Variants in CLECL1 observed in about 807,000 individuals in gnomAD.
The protein encoded by CLECL1 is C-type lectin-like domain family 1.
At chr12:9,705,392 A>T in the CLECL1 span, among the ~76,000 whole-genome samples, 1 of 152,194 alleles carries the variant, frequency 6.6e-6, no homozygotes, top group South Asian at 2.1e-4. Flanking sequence ...GCTGTGCAGA[A>T]GATCTTTAGT....
At chr12:9,720,935 A>G (rs1866302761), downstream of CLECL1, among the ~76,000 whole-genome samples, 1 of 152,212 alleles carries the variant, frequency 6.6e-6, no homozygotes, top group Non-Finnish European at 1.5e-5. Context: ...TCTCTCTCGC[A>G]TGTGCCTGTC....
chr12:9,721,489 G>A (rs1866312319), downstream of CLECL1, among the ~76,000 whole-genome samples: 1 of 152,132 alleles, frequency 6.6e-6, no homozygotes, highest in Non-Finnish European at 1.5e-5. Flanking sequence ...GCTTAAACTG[G>A]AGGAAGTAAG....
At chr12:9,722,778 G>A in exon 4 of CLECL1, 1 of 1,613,440 alleles carries the variant, frequency 6.2e-7, no homozygotes, top group Non-Finnish European at 8.5e-7. Context: ...TCTTTGGCAG[G>A]ACATGATTTA....
downstream of CLECL1, among the ~76,000 whole-genome samples, chr12:9,719,415 A>G (rs989755866): frequency 6.6e-6 from 1 of 152,202 alleles, no homozygotes; most frequent in Non-Finnish European, 1.5e-5. Flanking sequence ...AGTCCCAGCT[A>G]CTGGGGAGGC....
At chr12:9,715,570 G>T (rs1866229306), downstream of CLECL1, among the ~76,000 whole-genome samples, 1 of 152,148 alleles carries the variant, frequency 6.6e-6, no homozygotes, top group African/African-American at 2.4e-5. Flanking sequence ...TCAGTGACCT[G>T]ATGTATGCAC....
At chr12:9,732,129 T>C (rs1471882667) in intron 1 of CLECL1, among the ~76,000 whole-genome samples, 3 of 152,176 alleles carry the variant, frequency 2.0e-5, no homozygotes, top group African/African-American at 7.2e-5. Flanking sequence ...TTGATAACTA[T>C]AAACTTTTGA....
the CLECL1 span, among the ~76,000 whole-genome samples, chr12:9,705,257 C>CTT: frequency 2.1e-5 from 3 of 145,726 alleles, no homozygotes; most frequent in Non-Finnish European, 1.5e-5. Context: ...TTAATGAGGT[C>CTT]TTTTTTTTTT....
At chr12:9,719,527 A>C (rs1011312428), downstream of CLECL1, among the ~76,000 whole-genome samples, 2 of 152,118 alleles carry the variant, frequency 1.3e-5, no homozygotes, top group African/African-American at 2.4e-5. Flanking sequence ...CTTTGTCTCA[A>C]AAACAAAAAC....
chr12:9,718,933 TTTA>T (rs1371208940), downstream of CLECL1, among the ~76,000 whole-genome samples: 2 of 152,222 alleles, frequency 1.3e-5, no homozygotes, highest in Admixed American at 1.3e-4. Flanking sequence ...ATACAACTCC[TTTA>T]TTATTATGGA....
chr12:9,714,451 G>C (rs752454308), downstream of CLECL1, among the ~76,000 whole-genome samples: 14 of 152,252 alleles, frequency 9.2e-5, no homozygotes, highest in Admixed American at 2.0e-4. Flanking sequence ...CCCAGTGGGG[G>C]CCATCCAGTC....
At chr12:9,712,759 G>GT (rs1158887311), downstream of CLECL1, among the ~76,000 whole-genome samples, 1 of 151,994 alleles carries the variant, frequency 6.6e-6, no homozygotes, top group Non-Finnish European at 1.5e-5. Context: ...AATCATAAAT[G>GT]TTTGCTGAAT....
intron 1 of CLECL1, among the ~76,000 whole-genome samples, chr12:9,730,232 T>C (rs990880502): frequency 1.3e-5 from 2 of 152,226 alleles, no homozygotes; most frequent in African/African-American, 4.8e-5. Context: ...ACTACCAGAC[T>C]AGTGCTGCCT....
upstream of CLECL1, chr12:9,733,246 G>A (rs753065500): frequency 9.9e-6 from 16 of 1,608,042 alleles, no homozygotes; most frequent in Non-Finnish European, 1.2e-5. Flanking sequence ...TGTATGACAT[G>A]GAAGAAATTA....
chr12:9,711,279 A>C (rs776620366), downstream of CLECL1, among the ~76,000 whole-genome samples: 3 of 152,324 alleles, frequency 2.0e-5, no homozygotes, highest in East Asian at 5.8e-4. Flanking sequence ...CAGAACTGTT[A>C]AGAGAAACAA....
At chr12:9,718,986 G>T (rs950534915), downstream of CLECL1, among the ~76,000 whole-genome samples, 2 of 151,142 alleles carry the variant, frequency 1.3e-5, no homozygotes, top group African/African-American at 2.5e-5. Flanking sequence ...GGGTTTTTTT[G>T]TGTGTGTCTT....
chr12:9,734,332 A>G (rs1214676896), upstream of CLECL1, among the ~76,000 whole-genome samples: 1 of 152,220 alleles, frequency 6.6e-6, no homozygotes, highest in Non-Finnish European at 1.5e-5. Context: ...TTAAGACTGC[A>G]TGACACTCTC....
At chr12:9,723,363 G>T (rs1866337530) in intron 3 of CLECL1, among the ~76,000 whole-genome samples, 3 of 152,114 alleles carry the variant, frequency 2.0e-5, no homozygotes, top group African/African-American at 7.2e-5. Flanking sequence ...AAATTTAGAT[G>T]ATGATACAGG....
chr12:9,712,421 A>G (rs1257888253), downstream of CLECL1, among the ~76,000 whole-genome samples: 2 of 152,196 alleles, frequency 1.3e-5, no homozygotes, highest in East Asian at 3.8e-4. Context: ...ACATCTTCCT[A>G]TAGTTCTTTT....
intron 1 of CLECL1, among the ~76,000 whole-genome samples, chr12:9,731,764 C>T (rs1866450017): frequency 6.6e-6 from 1 of 152,020 alleles, no homozygotes; most frequent in South Asian, 2.1e-4. Context: ...GCCCCACATC[C>T]CTAAACTGGG....
Sources: gnomAD v4.1 joint callset for allele counts (sites outside exome capture counted in the v4.1 genomes callset) on GRCh38, gnomAD v4.1.1 for gene constraint, MANE v1.5 for transcripts, NCBI Gene and HGNC (gene_info 2026-07-23, HGNC 2026-07-21) for gene names.